ELOA: variants seen among roughly 807,000 people sequenced by gnomAD.
The protein encoded by ELOA is elongin A.
In ELOA, 15 loss-of-function variants were observed where a neutral mutation model predicts 85.2. That is an observed-to-expected ratio of 0.18 (90% confidence interval 0.12 to 0.27). ELOA has a LOEUF of 0.27. Ranked by LOEUF, ELOA falls within the 10% of genes least tolerant of loss-of-function variation. ELOA has a pLI of 1.00. For synonymous variants in ELOA, 348 were observed against 357.2 expected, an observed-to-expected ratio of 0.97 and a Z score of 0.29; for missense variants, 769 against 952.7, an observed-to-expected ratio of 0.81 and a Z score of 2.54.
intron 8 of ELOA, 42 bp from the exon 9 acceptor site, chr1:23,756,230 ATC>A: frequency 1.3e-6 from 2 of 1,515,276 alleles, no homozygotes; most frequent in Non-Finnish European, 1.8e-6. Flanking sequence ...TAACAGTAGC[ATC>A]TCTGCTCAAG....
At chr1:23,759,421 G>A in intron 10 of ELOA, 91 bp from the exon 11 acceptor site, 1 of 1,283,766 alleles carries the variant, frequency 7.8e-7, no homozygotes, top group Non-Finnish European at 1.1e-6. Context: ...GCACAGCCAA[G>A]AATAGCAGAG....
rs1040588776 is a variant in ELOA at position 23,759,726 on chromosome 1, C to T, written c.*153C>T. 5.1e-6 allele frequency: 4 copies of T among 777,534 alleles called. No individual in the cohort carries two copies. Among genetic ancestry groups the T allele is most frequent in the African/African-American group, 3.5e-5 (2 of 57,352 alleles). The allele number at this position is 777,534 out of a possible 1,614,324, so 48.2% of individuals were successfully genotyped here. On this transcript the variant is annotated 3_prime_UTR_variant, in exon 11 of 11. Transcript: ENST00000613537. ...AGTCTGCAGGTGCTGCCCCTGGGAA[C>T]CTGCGTGCCACAGCCCCGCCTCCCT...
chr1:23,745,246 G>T (rs1644741045), intron 1 of ELOA, among the ~76,000 whole-genome samples: 1 of 152,078 alleles, frequency 6.6e-6, no homozygotes, highest in African/African-American at 2.4e-5. Context: ...TCTAATAAAT[G>T]GTCATTATTT....
chr1:23,756,630 T>C (rs1644795820), intron 9 of ELOA, among the ~76,000 whole-genome samples: 1 of 152,244 alleles, frequency 6.6e-6, no homozygotes, highest in Non-Finnish European at 1.5e-5. Flanking sequence ...GCCTGGCTTA[T>C]GGGAAACATT....
rs750641566 is a variant in ELOA, at chr1:23,750,833, C to T, written c.240-12C>T. On this transcript the variant is annotated splice_polypyrimidine_tract_variant and intron_variant, in intron 3 of 10. Transcript: ENST00000613537. ...TTTAGACCTACTTTGTCTGCTTTTT[C>T]TTTTATTTTAGAAATGCTGAGCCTG... is the stretch of plus-strand genomic sequence containing the variant. 2 of 1,546,964 alleles carry T rather than the reference C, an allele frequency of 1.3e-6. No homozygotes were observed. Among genetic ancestry groups the T allele is most frequent in the South Asian group, 1.3e-5 (1 of 79,264 alleles).
At position 23,751,921 on chromosome 1, in the gene ELOA, AT is replaced by A. The variant is rs1644773279; in HGVS notation, c.1317del (p.Asn439LysfsTer19). 6.2e-7 allele frequency: 1 copy of A among 1,613,858 alleles called. No homozygotes were observed. The highest frequency in any genetic ancestry group is 1.7e-5 in the Admixed American group (1 of 59,964). On this transcript the variant is annotated frameshift_variant, in exon 4 of 11. Transcript: ENST00000613537. LOFTEE classifies it high-confidence loss of function. ...CTTGGAGATAAAGGACTTAAAAAAAATGACTCTAAAAGCACTGGTAAAAACT... is the reference window on the plus strand; with the variant it reads ...CTTGGAGATAAAGGACTTAAAAAAAAGACTCTAAAAGCACTGGTAAAAACT... The part of the protein sequence containing the change: ...TALGDKGLKK[N>X]DSKSTGKNLD...
chr1:23,756,244 A>G, intron 8 of ELOA, 30 bp from the exon 9 acceptor site: 1 of 1,530,318 alleles, frequency 6.5e-7, no homozygotes, highest in Non-Finnish European at 8.8e-7. Flanking sequence ...CTGCTCAAGA[A>G]GGCAGATGTT....
chr1:23,749,957 A>G lies in ELOA; in HGVS notation c.239+9A>G. On this transcript the variant is annotated intron_variant, in intron 3 of 10. Coordinates refer to ENST00000613537, the MANE Select transcript of ELOA (RefSeq NM_003198.3). ...CTGGTTCCTGTGGAACGGTAAGAAC[A>G]TTTCTCTTTAGGTTTGTTCAATTTC... 1.2e-6 allele frequency: 2 copies of G among 1,607,214 alleles called. No individual in the cohort carries two copies. Among genetic ancestry groups the G allele is most frequent in the Non-Finnish European group, 8.5e-7 (1 of 1,175,276 alleles).
In ELOA at chr1:23,760,662, A is replaced by G. The variant is rs1236298191; in HGVS notation, c.*1089A>G. On this transcript the variant is annotated 3_prime_UTR_variant, in exon 11 of 11. Transcript: ENST00000613537. ...GGTAAGATCATGTGATTGGAAGAAC[A>G]CAACTGTTGGCTTGGGAAGAGGACT... is the stretch of plus-strand genomic sequence containing the variant. 5 of 152,230 alleles carry G rather than the reference A, an allele frequency of 3.3e-5. No homozygotes were observed. Among genetic ancestry groups the G allele is most frequent in the Admixed American group, 2.6e-4 (4 of 15,262 alleles). The allele number at this position is 152,230 out of a possible 1,614,324, so 9.4% of individuals were successfully genotyped here. A position where few individuals can be genotyped will look rare whatever the true frequency, so the allele number is the denominator to read the frequency against.
intron 10 of ELOA, 26 bp from the exon 11 acceptor site, chr1:23,759,486 C>G (rs1360431489): frequency 6.2e-7 from 1 of 1,613,976 alleles, no homozygotes; most frequent in Non-Finnish European, 8.5e-7. Flanking sequence ...AGATCTGAGA[C>G]AGCTGCCTTG....
At chr1:23,753,682 G>A (rs911104048) in intron 5 of ELOA, among the ~76,000 whole-genome samples, 17 of 152,206 alleles carry the variant, frequency 1.1e-4, no homozygotes, top group Admixed American at 2.6e-4. Context: ...TATGTAGTGA[G>A]TATGTTATTA....
intron 1 of ELOA, among the ~76,000 whole-genome samples, chr1:23,748,308 C>T (rs1422066605): frequency 6.7e-6 from 1 of 150,324 alleles, no homozygotes; most frequent in Non-Finnish European, 1.5e-5. Context: ...TTCAAGATCA[C>T]TCATCGAGTG....
intron 1 of ELOA, 51 bp downstream of exon 1, chr1:23,743,629 C>A: frequency 7.0e-7 from 1 of 1,431,540 alleles, no homozygotes; most frequent in Non-Finnish European, 9.1e-7. Flanking sequence ...CGGTGAGGGC[C>A]CCGTAACGGT....
At chr1:23,747,081 G>A (rs1644750398) in intron 1 of ELOA, among the ~76,000 whole-genome samples, 1 of 152,186 alleles carries the variant, frequency 6.6e-6, no homozygotes, top group Non-Finnish European at 1.5e-5. Context: ...TAGGCTTTGA[G>A]ATAAACACAC....
chr1:23,749,277 A>G (rs561631333), intron 2 of ELOA, among the ~76,000 whole-genome samples, 200 bp downstream of exon 2: 138 of 152,370 alleles, frequency 9.1e-4, no homozygotes, highest in African/African-American at 2.6e-3. Context: ...AGTGGTTGCC[A>G]GGGGCTAGGA....
At position 23,755,946 on chromosome 1, in the gene ELOA, G is replaced by T. The variant is rs1644792699; in HGVS notation, c.1895G>T (p.Arg632Leu). Residue 632 changes from arginine to leucine, a missense_variant, in exon 8 of 11, where the codon CGG becomes CTG. Physicochemically the swap from Arg to Leu is moderately radical, Grantham distance 102 (BLOSUM62 -2). Around this residue, in one of 4 missense-constraint regions of ELOA, gnomAD observed 20 missense variants for 58.8 expected, o/e 0.34. Coordinates refer to ENST00000613537, the MANE Select transcript of ELOA (RefSeq NM_003198.3). ...GAGTCGTGGCGAGAGATGTACCTGC[G>T]GCTTCAGGACGCCCGAGAGCAGCGG... is the stretch of plus-strand genomic sequence containing the variant. ...EYESWREMYL[R>L]LQDAREQRLR... The T allele has an allele frequency of 6.2e-7, 1 of 1,613,558 alleles. No individual in the cohort carries two copies. The highest frequency in any genetic ancestry group is 8.5e-7 in the Non-Finnish European group (1 of 1,179,980).
chr1:23,747,314 C>G (rs1170910625), intron 1 of ELOA, among the ~76,000 whole-genome samples: 1 of 152,182 alleles, frequency 6.6e-6, no homozygotes, highest in East Asian at 1.9e-4. Flanking sequence ...CTTCTCCTGG[C>G]TTTACTTAAC....
At chr1:23,757,661 C>G (rs1161644142) in intron 10 of ELOA, among the ~76,000 whole-genome samples, 2 of 152,146 alleles carry the variant, frequency 1.3e-5, no homozygotes, top group East Asian at 3.9e-4. Context: ...ACCATGCCCA[C>G]CTAATTTTTT....
chr1:23,754,604 CT>C, intron 7 of ELOA, 144 bp downstream of exon 7: 1 of 677,436 alleles, frequency 1.5e-6, no homozygotes, highest in Non-Finnish European at 2.5e-6. Flanking sequence ...GCCACTGGGC[CT>C]TTAAACAAGC....
Sources: allele counts gnomAD v4.1 joint callset (sites outside exome capture counted in the v4.1 genomes callset), GRCh38; gene constraint gnomAD v4.1.1; regional missense constraint gnomAD v4.1.1; transcripts MANE v1.5; gene names NCBI Gene and HGNC (gene_info 2026-07-23, HGNC 2026-07-21).